Variants in PPP2R3B observed in about 807,000 individuals in gnomAD.
PPP2R3B encodes protein phosphatase 2 regulatory subunit B''beta.
A neutral mutation model predicts 72.9 loss-of-function variants in PPP2R3B; 68 were observed. The observed-to-expected ratio is 0.93, with a 90% CI of 0.77 to 1.14. The LOEUF is 1.14. Ranked by LOEUF, PPP2R3B falls within the 50% of genes most tolerant of loss-of-function variation. The pLI, the probability that PPP2R3B is intolerant of heterozygous loss-of-function variation, is 0.00. For synonymous variants in PPP2R3B, 466 were observed against 375.8 expected, an observed-to-expected ratio of 1.24 and a Z score of -2.78; for missense variants, 1,018 against 842.0, an observed-to-expected ratio of 1.21 and a Z score of -2.59.
At position 367,815 on chromosome X, in the gene PPP2R3B, T is replaced by A. The variant is rs141311760; in HGVS notation, c.325-6225A>T. Among the ~76,000 whole-genome samples, 575 of 152,186 alleles carry A rather than the reference T, an allele frequency of 3.8e-3. 7 individuals are homozygous for A. Among genetic ancestry groups the A allele is most frequent in the African/African-American group, 0.013 (537 of 41,516 alleles). ...ACACAGAGGACAGAAAGACAGGAGA[T>A]ATATGTGACTTAAGGACCCAGAGGC... On this transcript the variant is annotated intron_variant, in intron 1 of 12. Transcript: ENST00000390665.
At chrX:362,766 ACACAGAGAAAACAGCCCG>A (rs972236566) in intron 1 of PPP2R3B, among the ~76,000 whole-genome samples, 1 of 152,112 alleles carries the variant, frequency 6.6e-6, no homozygotes, top group African/African-American at 2.4e-5. Context: ...TCCAGTGTCC[ACACAGAGAAAACAGCCCG>A]CCCTGCTACT....
intron 4 of PPP2R3B, 58 bp from the exon 5 acceptor site, chrX:346,833 G>A (rs1336485070): frequency 1.3e-6 from 2 of 1,508,622 alleles, no homozygotes; most frequent in Non-Finnish European, 9.1e-7. Context: ...CGTGAGGTGT[G>A]CGGTGTGGAC....
intron 12 of PPP2R3B, chrX:335,562 C>T (rs1218574028): frequency 6.6e-6 from 1 of 152,210 alleles, no homozygotes; most frequent in Admixed American, 6.5e-5. Context: ...GGTCGGGAAC[C>T]CAACGGTAAC....
At chrX:350,041 C>T (rs974701152) in intron 2 of PPP2R3B, among the ~76,000 whole-genome samples, 3 of 152,172 alleles carry the variant, frequency 2.0e-5, no homozygotes, top group African/African-American at 7.2e-5. Context: ...TACCAGGGAA[C>T]ACAAAAGAAC....
chrX:347,405 G>C, intron 3 of PPP2R3B, 69 bp from the exon 4 acceptor site: 4 of 1,450,340 alleles, frequency 2.8e-6, no homozygotes, highest in Non-Finnish European at 3.9e-6. Flanking sequence ...GACGCAGGGT[G>C]GAACACGTGT....
chrX:341,339 C>A lies in PPP2R3B; in HGVS notation c.1143G>T (p.Leu381Phe), dbSNP rs774698378. 10 of 1,612,464 alleles carry A rather than the reference C, an allele frequency of 6.2e-6. No individual in the cohort carries two copies. The highest frequency in any genetic ancestry group is 1.1e-5 in the South Asian group (1 of 91,068). The change falls in exon 9 of 13, where the codon TTG becomes TTT. Residue 381 changes from leucine to phenylalanine, a missense_variant. Transcript: ENST00000390665. ...KISYADFVWF[L>F]ISEEDKKTPT... Reference sequence around the variant, plus strand: ...GTGTTTTTTTGTCTTCCTCAGAGATCAAAAACCAGACAAAGTCGGCATAGC... The same window carrying A: ...GTGTTTTTTTGTCTTCCTCAGAGATAAAAAACCAGACAAAGTCGGCATAGC...
At chrX:377,815 G>T (rs1207572872) in intron 1 of PPP2R3B, among the ~76,000 whole-genome samples, 1 of 130,850 alleles carries the variant, frequency 7.6e-6, no homozygotes, top group Non-Finnish European at 1.6e-5. Flanking sequence ...CCATGGGGCT[G>T]TCTATACACT....
chrX:363,871 G>A (rs1298161438), intron 1 of PPP2R3B, among the ~76,000 whole-genome samples: 11 of 152,220 alleles, frequency 7.2e-5, no homozygotes, highest in Admixed American at 3.9e-4. Context: ...GTGAGCTCTC[G>A]GGCTCCTGTG....
At position 365,170 on chromosome X, in the gene PPP2R3B, A is replaced by G. The variant is rs866141772; in HGVS notation, c.325-3580T>C. ...GGAGGTTGCAGTGAGCTGAGATCGC[A>G]CTACTGCACTCCAGCCTGGGCGACA... On this transcript the variant is annotated intron_variant, in intron 1 of 12. Coordinates refer to ENST00000390665, the MANE Select transcript of PPP2R3B (RefSeq NM_013239.5). Among the ~76,000 whole-genome samples, 19 of 72,040 alleles carry G rather than the reference A, an allele frequency of 2.6e-4. 1 individual carries two copies. Among genetic ancestry groups the G allele is most frequent in the African/African-American group, 9.8e-4 (18 of 18,426 alleles). 47.3% of individuals were successfully genotyped at this position (72,040 alleles called of 152,430 possible).
intron 1 of PPP2R3B, among the ~76,000 whole-genome samples, chrX:363,379 A>T (rs1299418364): frequency 6.8e-6 from 1 of 147,314 alleles, no homozygotes; most frequent in Non-Finnish European, 1.5e-5. Flanking sequence ...CCACCATCCC[A>T]CAGTGCATCT....
intron 1 of PPP2R3B, among the ~76,000 whole-genome samples, chrX:377,907 A>T (rs191833572): frequency 2.2e-5 from 1 of 45,398 alleles, no homozygotes; most frequent in African/African-American, 1.1e-4. Flanking sequence ...GGGACGGGCC[A>T]TCCACACCCA....
In PPP2R3B at chrX:334,333, GA is replaced by G; in HGVS notation, c.*33del. On this transcript the variant is annotated 3_prime_UTR_variant, in exon 13 of 13. Coordinates refer to ENST00000390665, the MANE Select transcript of PPP2R3B (RefSeq NM_013239.5). ...CGGTGGCCCGGTGGTGGCACGTGGG[GA>G]GCGGCCCCGCGGCGGCGTTCTCGCG... The G allele has an allele frequency of 1.4e-6, 2 of 1,452,226 alleles. No individual in the cohort carries two copies. The highest frequency in any genetic ancestry group is 2.6e-4 in the Middle Eastern group (1 of 3,836). 90.0% of individuals were successfully genotyped at this position (1,452,226 alleles called of 1,614,324 possible). A position where few individuals can be genotyped will look rare whatever the true frequency, so the allele number is the denominator to read the frequency against.
In PPP2R3B at chrX:334,457, G is replaced by C. The variant is rs1461323362; in HGVS notation, c.1638C>G (p.Ala546=). Residue 546 remains alanine (A), a synonymous_variant, in exon 13 of 13, where the codon GCC becomes GCG. Transcript: ENST00000390665. ...QKLSALRSPL[A]QRPFFEAPSP... Reference sequence around the variant, plus strand: ...AGGGCGCCTCGAAGAAGGGCCTCTGGGCCAGCGGGGAGCGCAGCGCACTCA... The same window carrying C: ...AGGGCGCCTCGAAGAAGGGCCTCTGCGCCAGCGGGGAGCGCAGCGCACTCA... The C allele has an allele frequency of 6.3e-7, 1 of 1,595,556 alleles. No homozygotes were observed. Among genetic ancestry groups the C allele is most frequent in the South Asian group, 1.1e-5 (1 of 89,848 alleles).
At chrX:345,864 T>C (rs55772050) in intron 6 of PPP2R3B, 192 bp from the exon 7 acceptor site, 22,966 of 29,480 alleles carry the variant, frequency 0.78, 9,401 homozygotes, top group African/African-American at 0.9. Flanking sequence ...AGCATGGGGG[T>C]GGCTCCCTAG....
intron 1 of PPP2R3B, chrX:373,770 A>T (rs2071924540): frequency 6.7e-6 from 1 of 149,600 alleles, no homozygotes; most frequent in South Asian, 2.0e-4. Context: ...AGCGCGCTCC[A>T]TGCGTCGCCC....
At chrX:344,105 G>A (rs1445156174) in intron 7 of PPP2R3B, among the ~76,000 whole-genome samples, 2 of 124,496 alleles carry the variant, frequency 1.6e-5, no homozygotes, top group East Asian at 2.6e-4. Context: ...AACGGGAGGC[G>A]GGAGTGAGAC....
intron 1 of PPP2R3B, among the ~76,000 whole-genome samples, chrX:367,318 C>T (rs755395218): frequency 6.6e-6 from 1 of 151,714 alleles, no homozygotes; most frequent in South Asian, 2.1e-4. Context: ...AAAAAAAAGT[C>T]AATACAACAG....
intron 5 of PPP2R3B, 65 bp from the exon 6 acceptor site, chrX:346,325 AC>A (rs1282028258): frequency 6.7e-7 from 1 of 1,481,790 alleles, no homozygotes; most frequent in Non-Finnish European, 9.2e-7. Flanking sequence ...CCGCACGGAG[AC>A]CGGGAGCCGG....
At chrX:358,136 C>T (rs1427262848) in intron 2 of PPP2R3B, among the ~76,000 whole-genome samples, 4 of 152,220 alleles carry the variant, frequency 2.6e-5, no homozygotes, top group East Asian at 1.9e-4. Context: ...CACCCCTACT[C>T]GTTCGTCCCC....
Sources: allele counts gnomAD v4.1 joint callset (sites outside exome capture counted in the v4.1 genomes callset), GRCh38; gene constraint gnomAD v4.1.1; transcripts MANE v1.5; gene names NCBI Gene and HGNC (gene_info 2026-07-23, HGNC 2026-07-21).